Variants in SASH1 observed in about 807,000 individuals in gnomAD.
SASH1 encodes SAM and SH3 domain-containing protein 1.
Under a neutral mutation model 125.2 loss-of-function variants are expected in SASH1, and 44 were observed. The observed-to-expected ratio is 0.35, with a 90% CI of 0.28 to 0.45. The LOEUF is 0.45. Among genes scored for constraint, SASH1 ranks in the 20% least tolerant of loss-of-function variants. The probability of loss-of-function intolerance (pLI) is 1.00; values close to 1 mark genes in which losing one functional copy is unlikely to be tolerated. For synonymous variants in SASH1, 639 were observed against 649.1 expected, an observed-to-expected ratio of 0.98 and a Z score of 0.24; for missense variants, 1,426 against 1,614.5, an observed-to-expected ratio of 0.88 and a Z score of 2.00.
At chr6:148,350,658 T>C (rs9403946) in intron 1 of SASH1, among the ~76,000 whole-genome samples, 32,330 of 151,804 alleles carry the variant, frequency 0.21, 3,886 homozygotes, top group Middle Eastern at 0.31. Context: ...TAATAGACGA[T>C]GTGCCTACCT....
At chr6:148,417,176 G>A (rs763775308) in intron 2 of SASH1, among the ~76,000 whole-genome samples, 4 of 152,102 alleles carry the variant, frequency 2.6e-5, no homozygotes, top group Non-Finnish European at 5.9e-5. Flanking sequence ...AAACACACTT[G>A]GGTACAGGCT....
At chr6:148,453,160 A>G (rs1371756495) in intron 4 of SASH1, among the ~76,000 whole-genome samples, 1 of 152,110 alleles carries the variant, frequency 6.6e-6, no homozygotes, top group Non-Finnish European at 1.5e-5. Context: ...TTGAGTCCGC[A>G]CGTCTGCCCT....
chr6:148,355,271 C>G (rs1283199292), intron 1 of SASH1, among the ~76,000 whole-genome samples: 1 of 152,120 alleles, frequency 6.6e-6, no homozygotes, highest in African/African-American at 2.4e-5. Context: ...AAGACATAGT[C>G]TACTGGGGTA....
chr6:148,311,123 C>T (rs1780316637), intron 1 of SASH1, among the ~76,000 whole-genome samples: 1 of 151,196 alleles, frequency 6.6e-6, no homozygotes, highest in African/African-American at 2.4e-5. Context: ...TTTTTTCCCC[C>T]CAAGACGGAG....
the SASH1 span, among the ~76,000 whole-genome samples, chr6:148,226,365 A>T: frequency 6.6e-6 from 1 of 152,150 alleles, no homozygotes; most frequent in Non-Finnish European, 1.5e-5. Context: ...TTTTCCCTGA[A>T]GTAAAAATAA....
intron 7 of SASH1, among the ~76,000 whole-genome samples, chr6:148,476,287 A>AAC (rs1778340284): frequency 6.6e-6 from 1 of 151,606 alleles, no homozygotes; most frequent in Admixed American, 6.6e-5. Flanking sequence ...AAAAAAAAAA[A>AAC]AAAAAAGGAA....
At chr6:148,200,444 T>C in the SASH1 span, among the ~76,000 whole-genome samples, 541 of 152,304 alleles carry the variant, frequency 3.6e-3, 2 homozygotes, top group African/African-American at 0.012. Flanking sequence ...GCCGCGATCA[T>C]CTGCTTATCA....
intron 2 of SASH1, 85 bp from the exon 3 acceptor site, chr6:148,440,099 C>A: frequency 7.8e-7 from 1 of 1,290,196 alleles, no homozygotes; most frequent in Non-Finnish European, 1.1e-6. Context: ...CCCGAATCCT[C>A]CCCTCTCTTC....
At chr6:148,323,639 A>G (rs956894918) in intron 1 of SASH1, among the ~76,000 whole-genome samples, 11 of 152,194 alleles carry the variant, frequency 7.2e-5, no homozygotes, top group African/African-American at 2.4e-4. Context: ...GAAGTAGGAT[A>G]ACTGCTGTGA....
At chr6:148,466,096 G>A (rs925959336) in intron 4 of SASH1, among the ~76,000 whole-genome samples, 2 of 152,256 alleles carry the variant, frequency 1.3e-5, no homozygotes, top group South Asian at 2.1e-4. Context: ...TCATTTTTGT[G>A]TGGATAGGAG....
At chr6:148,425,596 G>GA (rs1157056773) in intron 2 of SASH1, among the ~76,000 whole-genome samples, 5 of 151,842 alleles carry the variant, frequency 3.3e-5, no homozygotes, top group Non-Finnish European at 7.4e-5. Context: ...CAACATTCTT[G>GA]AAAAAATTGG....
chr6:148,301,599 G>A (rs1582936719), intron 1 of SASH1, among the ~76,000 whole-genome samples: 1 of 148,616 alleles, frequency 6.7e-6, no homozygotes, highest in East Asian at 2.1e-4. Context: ...TTCTTTTTGA[G>A]ACAGGATCTT....
chr6:148,436,156 G>C lies in SASH1; in HGVS notation c.286-4028G>C, dbSNP rs1446560446. Reference sequence around the variant, plus strand: ...GGCTTTGGCACTCCCCCAGCTGAGAGAGGTGGCCGTGAACCCTGGGAGGGC... The same window carrying C: ...GGCTTTGGCACTCCCCCAGCTGAGACAGGTGGCCGTGAACCCTGGGAGGGC... On this transcript the variant is annotated intron_variant, in intron 2 of 19. Transcript: ENST00000367467. Among the ~76,000 whole-genome samples, 5 of 152,292 alleles carry C rather than the reference G, an allele frequency of 3.3e-5. No individual in the cohort carries two copies. The East Asian group carries it at 9.7e-4, about 29-fold the overall frequency.
chr6:148,424,010 G>GAA (rs35537957), intron 2 of SASH1, among the ~76,000 whole-genome samples: 5 of 135,886 alleles, frequency 3.7e-5, no homozygotes, highest in Admixed American at 7.4e-5. Context: ...AGTTTCTGAA[G>GAA]AAAAAAAAAA....
intron 9 of SASH1, among the ~76,000 whole-genome samples, chr6:148,518,319 C>G (rs1052461001): frequency 6.6e-6 from 1 of 152,192 alleles, no homozygotes; most frequent in Non-Finnish European, 1.5e-5. Context: ...GCTTCCCCAC[C>G]ACCGTCTGCT....
chr6:148,390,738 A>G (rs1783676216), intron 2 of SASH1, among the ~76,000 whole-genome samples: 1 of 151,574 alleles, frequency 6.6e-6, no homozygotes, highest in South Asian at 2.1e-4. Context: ...CAGTGAGCCA[A>G]GATCACGCCA....
chr6:148,197,848 T>G, the SASH1 span, among the ~76,000 whole-genome samples: 1 of 151,780 alleles, frequency 6.6e-6, no homozygotes, highest in Non-Finnish European at 1.5e-5. Context: ...ATCTGGTGGG[T>G]TTTGTTTTTG....
chr6:148,407,586 A>G (rs73011332), intron 2 of SASH1, among the ~76,000 whole-genome samples: 19,591 of 152,152 alleles, frequency 0.13, 1,336 homozygotes, highest in Middle Eastern at 0.19. Context: ...TTTTGGGAAT[A>G]TGCCTAGAGG....
chr6:148,530,900 G>GACA (rs1781475162), intron 12 of SASH1, among the ~76,000 whole-genome samples: 1 of 152,146 alleles, frequency 6.6e-6, no homozygotes, highest in African/African-American at 2.4e-5. Context: ...GCTTTTTACT[G>GACA]ACAACACTTT....
Sources: gnomAD v4.1 joint callset for allele counts (sites outside exome capture counted in the v4.1 genomes callset) on GRCh38, gnomAD v4.1.1 for gene constraint, MANE v1.5 for transcripts, NCBI Gene and HGNC (gene_info 2026-07-23, HGNC 2026-07-21) for gene names.